CA2: variants seen among roughly 807,000 people sequenced by gnomAD.
CA2 encodes the protein carbonic anhydrase 2, also known as carbonate dehydratase II.
In CA2, 23 loss-of-function variants were observed where a neutral mutation model predicts 27.8. The ratio of observed to expected loss-of-function variants is 0.83; its 90% CI spans 0.59 to 1.17. The LOEUF (loss-of-function observed/expected upper bound fraction) is 1.17. Among genes scored for constraint, CA2 ranks in the 50% most tolerant of loss-of-function variants. CA2 has a pLI of 0.00. For missense variants in CA2, 300 were observed against 314.7 expected (o/e 0.95, Z 0.35); for synonymous variants, 99 against 114.9 (o/e 0.86, Z 0.88).
chr8:85,475,841 T>A lies in CA2; in HGVS notation c.488T>A (p.Leu163Gln). ...KPGLQKVVDV[L>Q]DSIKTKGKSA... is the part of the protein sequence containing the mutation. ...GGCCTTCAGAAAGTTGTTGATGTGC[T>A]GGATTCCATTAAAACAAAGGTAAAT... The change falls in exon 5 of 7, where the codon CTG becomes CAG. Residue 163 changes from leucine (L) to glutamine (Q), a missense_variant. This residue lies in a region of CA2 where 173 missense variants were observed against 161.0 expected (regional missense o/e 1.07). Transcript: ENST00000285379. The A allele has an allele frequency of 6.2e-7, 1 of 1,614,110 alleles. No homozygotes were observed. The highest frequency in any genetic ancestry group is 8.5e-7 in the Non-Finnish European group (1 of 1,179,970).
intron 1 of CA2, 183 bp downstream of exon 1, chr8:85,464,298 C>A (rs923096082): frequency 4.0e-6 from 2 of 497,976 alleles, no homozygotes; most frequent in Non-Finnish European, 3.4e-6. Flanking sequence ...TCCGCGGCGC[C>A]GGGGATGTCC....
Position 85,475,843 on chromosome 8 carries a change from G to T in CA2, c.490G>T (p.Asp164Tyr). Residue 164 changes from aspartate (D) to tyrosine (Y), a missense_variant, in exon 5 of 7, where the codon GAT becomes TAT. Asp to Tyr is a radical substitution (Grantham distance 160). This residue lies in a region of CA2 where 173 missense variants were observed against 161.0 expected (regional missense o/e 1.07). Coordinates refer to ENST00000285379, the MANE Select transcript of CA2 (RefSeq NM_000067.3). ...PGLQKVVDVL[D>Y]SIKTKGKSAD... ...CCTTCAGAAAGTTGTTGATGTGCTG[G>T]ATTCCATTAAAACAAAGGTAAATTT... 6.2e-7 allele frequency: 1 copy of T among 1,614,002 alleles called. No individual in the cohort carries two copies. The highest frequency in any genetic ancestry group is 8.5e-7 in the Non-Finnish European group (1 of 1,179,942).
chr8:85,474,226 C>G (rs986807466), intron 3 of CA2, 98 bp from the exon 4 acceptor site: 1 of 913,166 alleles, frequency 1.1e-6, no homozygotes, highest in South Asian at 1.3e-5. Context: ...TTTTCAATTT[C>G]CTGAGTAACC....
intron 2 of CA2, among the ~76,000 whole-genome samples, chr8:85,472,553 A>C (rs1811726549): frequency 6.6e-6 from 1 of 152,222 alleles, no homozygotes; most frequent in African/African-American, 2.4e-5. Context: ...AGAATCGTGG[A>C]ATAGTTATCA....
intron 2 of CA2, among the ~76,000 whole-genome samples, chr8:85,472,366 AATAC>A (rs1811724156): frequency 6.6e-6 from 1 of 152,206 alleles, no homozygotes; most frequent in African/African-American, 2.4e-5. Flanking sequence ...AAATCCCATT[AATAC>A]ATACAAAGTT....
Position 85,481,256 on chromosome 8 carries a change from G to C in CA2, c.*467G>C, listed in dbSNP as rs1285491607. ...AAAAAATAAATGTTCATGATTTCAA[G>C]ATGTTATATTAAAGAAAAACTTTAA... On this transcript the variant is annotated 3_prime_UTR_variant, in exon 7 of 7. Coordinates refer to ENST00000285379, the MANE Select transcript of CA2 (RefSeq NM_000067.3). 6.5e-6 allele frequency: 1 copy of C among 153,814 alleles called. No individual in the cohort carries two copies. The allele number at this position is 153,814 out of a possible 1,614,324, so 9.5% of individuals were successfully genotyped here. A position where few individuals can be genotyped will look rare whatever the true frequency, so the allele number is the denominator to read the frequency against.
At position 85,465,470 on chromosome 8, in the gene CA2, G is replaced by A. The variant is rs573750741; in HGVS notation, c.232+1G>A. The A allele has an allele frequency of 3.1e-6, 5 of 1,612,482 alleles. No individual in the cohort carries two copies. The highest frequency in any genetic ancestry group is 3.3e-5 in the Admixed American group (2 of 59,818). ...TTTGATGACTCTCAGGACAAAGCAG[G>A]TCAGTGTTTAGAAAATAACTTGTGT... On this transcript the variant is annotated splice_donor_variant, in intron 2 of 6. Transcript: ENST00000285379. LOFTEE classifies it high-confidence loss of function.
chr8:85,473,650 T>C, intron 2 of CA2, 43 bp from the exon 3 acceptor site: 1 of 924,774 alleles, frequency 1.1e-6, no homozygotes, highest in East Asian at 2.6e-5. Context: ...TGTATGCAGA[T>C]ACATACATAT....
chr8:85,471,523 C>G (rs1210924557), intron 2 of CA2, among the ~76,000 whole-genome samples: 2 of 151,882 alleles, frequency 1.3e-5, no homozygotes, highest in South Asian at 4.1e-4. Context: ...TAAGAAACAG[C>G]AATAAACTTT....
At chr8:85,465,637 G>A (rs1215830340) in intron 2 of CA2, among the ~76,000 whole-genome samples, 168 bp downstream of exon 2, 3 of 152,124 alleles carry the variant, frequency 2.0e-5, no homozygotes, top group Admixed American at 2.0e-4. Flanking sequence ...TGAGAAGTAG[G>A]CTAATTAGTT....
chr8:85,470,693 T>C (rs1213840785), intron 2 of CA2, among the ~76,000 whole-genome samples: 3 of 152,168 alleles, frequency 2.0e-5, no homozygotes, highest in African/African-American at 7.2e-5. Flanking sequence ...GATTATTCTA[T>C]AACATTATAC....
intron 2 of CA2, among the ~76,000 whole-genome samples, chr8:85,472,564 A>C (rs1321264557): frequency 6.6e-6 from 1 of 152,240 alleles, no homozygotes; most frequent in Non-Finnish European, 1.5e-5. Context: ...ATAGTTATCA[A>C]GTTAGAATTT....
chr8:85,474,833 A>G (rs77139490), intron 4 of CA2, among the ~76,000 whole-genome samples: 1,648 of 152,286 alleles, frequency 0.011, 11 homozygotes, highest in Non-Finnish European at 0.017. Context: ...GTAAAGGGGA[A>G]TGGAGAAAGG....
chr8:85,473,785 G>A lies in CA2; in HGVS notation c.325G>A (p.Val109Met). 1 of 1,597,562 alleles carries A rather than the reference G, an allele frequency of 6.3e-7. No individual in the cohort carries two copies. Among genetic ancestry groups the A allele is most frequent in the Non-Finnish European group, 8.6e-7 (1 of 1,165,008 alleles). Residue 109 changes from valine (V) to methionine (M), a missense_variant, in exon 3 of 7, where the codon GTG becomes ATG. Physicochemically the swap from Val to Met is conservative, Grantham distance 21. Coordinates refer to ENST00000285379, the MANE Select transcript of CA2 (RefSeq NM_000067.3). ...TGATGGACAAGGTTCAGAGCATACT[G>A]TGGATAAAAAGAAATATGCTGCAGA... Reference protein sequence around the residue: ...SLDGQGSEHTVDKKKYAAELH... With the variant: ...SLDGQGSEHTMDKKKYAAELH...
At chr8:85,470,632 T>C (rs1034679638) in intron 2 of CA2, among the ~76,000 whole-genome samples, 3 of 152,110 alleles carry the variant, frequency 2.0e-5, no homozygotes, top group Non-Finnish European at 4.4e-5. Context: ...TTCTTATTTT[T>C]CTCAAAAAGT....
At position 85,473,732 on chromosome 8, in the gene CA2, T is replaced by A. The variant is rs901728460; in HGVS notation, c.272T>A (p.Ile91Asn). ...GGPLDGTYRL[I>N]QFHFHWGSLD... ...CCCCTGGATGGCACTTACAGATTGATTCAGTTTCACTTTCACTGGGGTTCA... is the reference window on the plus strand; with the variant it reads ...CCCCTGGATGGCACTTACAGATTGAATCAGTTTCACTTTCACTGGGGTTCA... The change falls in exon 3 of 7, where the codon ATT (isoleucine) becomes AAT (asparagine). Residue 91 changes from isoleucine to asparagine, a missense_variant. Physicochemically the swap from Ile to Asn is moderately radical, Grantham distance 149. Transcript: ENST00000285379. The A allele has an allele frequency of 1.2e-6, 2 of 1,612,122 alleles. No individual in the cohort carries two copies. The highest frequency in any genetic ancestry group is 2.7e-5 in the African/African-American group (2 of 74,884).
At chr8:85,476,785 T>G (rs2130563392) in intron 5 of CA2, among the ~76,000 whole-genome samples, 1 of 152,234 alleles carries the variant, frequency 6.6e-6, no homozygotes, top group African/African-American at 2.4e-5. Flanking sequence ...GTCACCTCAT[T>G]TTAGTGGCAG....
At chr8:85,479,859 G>A (rs1399624353) in intron 6 of CA2, among the ~76,000 whole-genome samples, 1 of 152,154 alleles carries the variant, frequency 6.6e-6, no homozygotes, top group Non-Finnish European at 1.5e-5. Flanking sequence ...AATCAGCCTA[G>A]GCAAATTCAT....
chr8:85,469,316 T>G (rs1270516376), intron 2 of CA2, among the ~76,000 whole-genome samples: 1 of 152,196 alleles, frequency 6.6e-6, no homozygotes, highest in Non-Finnish European at 1.5e-5. Flanking sequence ...GATTGAGGTT[T>G]TCCAATATGC....
Sources: allele counts gnomAD v4.1 joint callset (sites outside exome capture counted in the v4.1 genomes callset), GRCh38; gene constraint gnomAD v4.1.1; regional missense constraint gnomAD v4.1.1; transcripts MANE v1.5; gene names NCBI Gene and HGNC (gene_info 2026-07-23, HGNC 2026-07-21).